The following TTPA variants were observed in gnomAD, a reference collection of about 807,000 sequenced individuals.
TTPA encodes the protein alpha tocopherol transfer protein, also known as alpha-tocopherol transfer protein.
A neutral mutation model predicts 25.9 loss-of-function variants in TTPA; 23 were observed. That is an observed-to-expected ratio of 0.89 (90% CI 0.64 to 1.26). TTPA has a LOEUF of 1.26. Among genes scored for constraint, TTPA ranks in the 50% most tolerant of loss-of-function variants. The pLI is 0.00. For synonymous variants in TTPA, 148 were observed against 137.3 expected, an observed-to-expected ratio of 1.08 and a Z score of -0.54; for missense variants, 337 against 353.1, an observed-to-expected ratio of 0.95 and a Z score of 0.37.
intron 1 of TTPA, among the ~76,000 whole-genome samples, chr8:63,080,437 G>T (rs1268739057): frequency 6.6e-6 from 1 of 152,128 alleles, no homozygotes; most frequent in African/African-American, 2.4e-5. Context: ...GACTAATAAA[G>T]AAGGCCGGGC....
chr8:63,065,779 A>G, intron 3 of TTPA, 125 bp downstream of exon 3: 2 of 1,104,766 alleles, frequency 1.8e-6, no homozygotes, highest in Admixed American at 2.2e-5. Flanking sequence ...AATTCTACAC[A>G]TCATTTCCAA....
downstream of TTPA, among the ~76,000 whole-genome samples, chr8:63,059,026 T>G (rs929890223): frequency 9.9e-6 from 1 of 100,974 alleles, no homozygotes; most frequent in Non-Finnish European, 2.0e-5. Flanking sequence ...TCCAGTTTTT[T>G]TTTTTTTTTT....
Position 63,085,904 on chromosome 8 carries a change from C to T in TTPA, c.118G>A (p.Val40Ile). The T allele has an allele frequency of 6.5e-7, 1 of 1,527,890 alleles. No individual in the cohort carries two copies. The highest frequency in any genetic ancestry group is 1.4e-5 in the African/African-American group (1 of 71,400). The allele number at this position is 1,527,890 out of a possible 1,614,324, so 94.6% of individuals were successfully genotyped here. ...ALRRRAREAGVPLAPLPLTDS... is the reference protein window; with the variant it reads ...ALRRRAREAGIPLAPLPLTDS... ...GTGAGCGGCAGCGGCGCGAGCGGGACGCCAGCTTCCCGGGCCCGGCGCCGC... is the reference window on the plus strand; with the variant it reads ...GTGAGCGGCAGCGGCGCGAGCGGGATGCCAGCTTCCCGGGCCCGGCGCCGC... Residue 40 changes from valine to isoleucine, a missense_variant, in exon 1 of 5, where the codon GTC (valine) becomes ATC (isoleucine). Transcript: ENST00000260116.
Position 63,060,874 on chromosome 8 carries a change from G to A in TTPA, c.*378C>T, listed in dbSNP as rs867480320. The A allele has an allele frequency of 2.9e-5, 5 of 175,384 alleles. No homozygotes were observed. Among genetic ancestry groups the A allele is most frequent in the Non-Finnish European group, 4.9e-5 (4 of 81,182 alleles). 10.9% of individuals were successfully genotyped at this position (175,384 alleles called of 1,614,324 possible). On this transcript the variant is annotated 3_prime_UTR_variant, in exon 5 of 5. Transcript: ENST00000260116. ...CTGACTTGTGCTAGTATTTTTAAGC[G>A]GAATATTTCTAAATTTTTTTCTAAA... is the stretch of plus-strand genomic sequence containing the variant.
At chr8:63,066,619 G>A (rs1805394865) in intron 2 of TTPA, among the ~76,000 whole-genome samples, 1 of 152,114 alleles carries the variant, frequency 6.6e-6, no homozygotes, top group South Asian at 2.1e-4. Context: ...AAGAGCCACG[G>A]AAGCACTTAG....
At chr8:63,071,862 G>C (rs1319139579) in intron 2 of TTPA, among the ~76,000 whole-genome samples, 2 of 152,116 alleles carry the variant, frequency 1.3e-5, no homozygotes, top group African/African-American at 4.8e-5. Context: ...CCAGAACTGT[G>C]AGAAATAAAA....
intron 2 of TTPA, among the ~76,000 whole-genome samples, chr8:63,072,343 A>G (rs1463932961): frequency 6.6e-6 from 1 of 151,962 alleles, no homozygotes; most frequent in Admixed American, 6.5e-5. Context: ...ACTCACTGCA[A>G]CCTCTGCCTC....
chr8:63,083,390 A>G (rs1160021306), intron 1 of TTPA, among the ~76,000 whole-genome samples: 3 of 152,216 alleles, frequency 2.0e-5, no homozygotes, highest in African/African-American at 4.8e-5. Flanking sequence ...ACAAAGACAG[A>G]AAACCAAACA....
intron 1 of TTPA, among the ~76,000 whole-genome samples, chr8:63,082,032 G>A (rs1320443568): frequency 6.6e-6 from 1 of 152,124 alleles, no homozygotes; most frequent in East Asian, 1.9e-4. Context: ...CTCATGGGTA[G>A]GAAGAATCAA....
At position 63,066,099 on chromosome 8, in the gene TTPA, TA is replaced by T. The variant is rs398123340; in HGVS notation, c.359-3del. 1 allele frequency: 1,611,937 copies of T among 1,611,948 alleles called. 805,963 individuals carry two copies. Among genetic ancestry groups the T allele is most frequent in the Middle Eastern group, 1 (6,060 of 6,060 alleles). On this transcript the variant is annotated splice_region_variant and splice_polypyrimidine_tract_variant and intron_variant, in intron 2 of 4. Transcript: ENST00000260116. ...TAAAAACTTTGGGGTCCCAGTGTGC[TA>T]AAAAAAATAAAGCATATCATATCTT...
intron 2 of TTPA, among the ~76,000 whole-genome samples, chr8:63,066,737 C>T (rs774590243): frequency 1.3e-5 from 2 of 152,146 alleles, no homozygotes; most frequent in Admixed American, 6.6e-5. Flanking sequence ...GGACAGGCCA[C>T]GCCATGCAGA....
chr8:63,066,931 C>T (rs186161111), intron 2 of TTPA, among the ~76,000 whole-genome samples: 1 of 151,976 alleles, frequency 6.6e-6, no homozygotes, highest in East Asian at 1.9e-4. Flanking sequence ...AAGCCAGGTG[C>T]AGGTGCAGTG....
downstream of TTPA, among the ~76,000 whole-genome samples, chr8:63,059,194 G>T (rs1029781715): frequency 1.3e-5 from 2 of 149,654 alleles, no homozygotes; most frequent in African/African-American, 4.9e-5. Context: ...ACTACGCCCG[G>T]CTAATTTTTT....
intron 1 of TTPA, among the ~76,000 whole-genome samples, chr8:63,075,692 C>T (rs1440817907): frequency 1.4e-5 from 2 of 138,882 alleles, no homozygotes; most frequent in Admixed American, 1.5e-4. Context: ...GAGCCAGACT[C>T]CGTCTCAAAA....
Position 63,076,608 on chromosome 8 carries a change from A to C in TTPA, c.205-3520T>G, listed in dbSNP as rs185605049. Among the ~76,000 whole-genome samples the C allele has an allele frequency of 2.6e-5, 4 of 152,218 alleles. No homozygotes were observed. In the South Asian group the frequency reaches 8.3e-4, roughly 31 times the overall value. On this transcript the variant is annotated intron_variant, in intron 1 of 4. Coordinates refer to ENST00000260116, the MANE Select transcript of TTPA (RefSeq NM_000370.3). ...AATTCCTTATTTAAGGAATACAGAAAAAAATATATTATGTCCCAGAGGCTG... is the reference window on the plus strand; with the variant it reads ...AATTCCTTATTTAAGGAATACAGAACAAAATATATTATGTCCCAGAGGCTG...
At chr8:63,082,217 C>A (rs952770870) in intron 1 of TTPA, among the ~76,000 whole-genome samples, 1 of 152,166 alleles carries the variant, frequency 6.6e-6, no homozygotes, top group African/African-American at 2.4e-5. Flanking sequence ...AAGCTGGAGG[C>A]ATCATGCTAC....
At chr8:63,067,663 TTGGTATAC>T (rs1805415648) in intron 2 of TTPA, among the ~76,000 whole-genome samples, 1 of 152,142 alleles carries the variant, frequency 6.6e-6, no homozygotes, top group Non-Finnish European at 1.5e-5. Context: ...ATTTGTTACC[TTGGTATAC>T]TGCATGATGC....
At chr8:63,076,526 G>A (rs1805564598) in intron 1 of TTPA, among the ~76,000 whole-genome samples, 1 of 152,174 alleles carries the variant, frequency 6.6e-6, no homozygotes, top group African/African-American at 2.4e-5. Flanking sequence ...TTTCTATGCG[G>A]TGGATTTAGA....
intron 2 of TTPA, among the ~76,000 whole-genome samples, chr8:63,072,046 C>A (rs1016517556): frequency 1.3e-5 from 2 of 152,108 alleles, no homozygotes; most frequent in African/African-American, 4.8e-5. Flanking sequence ...GAGGAGTTGC[C>A]TTTCCTCTGC....
Sources: gnomAD v4.1 joint callset for allele counts (sites outside exome capture counted in the v4.1 genomes callset) on GRCh38, gnomAD v4.1.1 for gene constraint, MANE v1.5 for transcripts, NCBI Gene and HGNC (gene_info 2026-07-23, HGNC 2026-07-21) for gene names.